The following ASPH variants were observed in gnomAD, a reference collection of about 807,000 sequenced individuals.
ASPH encodes the protein aspartate beta-hydroxylase, also known as aspartyl/asparaginyl beta-hydroxylase.
ASPH carries 100 observed loss-of-function variants against 118.4 expected under a neutral mutation model. The observed-to-expected ratio is 0.84, with a 90% CI of 0.72 to 1.00. The LOEUF (loss-of-function observed/expected upper bound fraction) is 1.00, where lower values mean the gene tolerates loss of function less well. ASPH is among the 50% of genes least tolerant of loss of function. The pLI is 0.00. For missense variants in ASPH, 920 were observed against 919.5 expected, an observed-to-expected ratio of 1.00 and a Z score of -0.01; for synonymous variants, 315 against 325.6, an observed-to-expected ratio of 0.97 and a Z score of 0.35.
chr8:61,637,852 T>C lies in ASPH; in HGVS notation c.889+95A>G, dbSNP rs561510252. ...TTGTACTCCTAGCTCCTATGCACTGTATAGACAGCAAGTAGGAAATGTTCG... is the reference window on the plus strand; with the variant it reads ...TTGTACTCCTAGCTCCTATGCACTGCATAGACAGCAAGTAGGAAATGTTCG... On this transcript the variant is annotated intron_variant, in intron 12 of 24. Transcript: ENST00000379454. 5 of 1,245,356 alleles carry C rather than the reference T, an allele frequency of 4.0e-6. No homozygotes were observed. In the Admixed American group the frequency reaches 8.5e-5, roughly 21 times the overall value. The allele number at this position is 1,245,356 out of a possible 1,614,324, so 77.1% of individuals were successfully genotyped here. A position where few individuals can be genotyped will look rare whatever the true frequency, so the allele number is the denominator to read the frequency against.
At chr8:61,535,466 G>A (rs1312048454) in intron 21 of ASPH, among the ~76,000 whole-genome samples, 1 of 152,152 alleles carries the variant, frequency 6.6e-6, no homozygotes, top group Non-Finnish European at 1.5e-5. Context: ...AAGAAAAAGA[G>A]GCATCGAGAA....
chr8:61,697,413 C>T (rs1445119143), intron 1 of ASPH, among the ~76,000 whole-genome samples: 1 of 152,182 alleles, frequency 6.6e-6, no homozygotes, highest in Non-Finnish European at 1.5e-5. Flanking sequence ...CTGCAGTAGA[C>T]ACCAGCTGGC....
Position 61,625,790 on chromosome 8 carries a change from G to C in ASPH, c.935-6771C>G, listed in dbSNP as rs935411698. 6.1e-6 allele frequency: 6 copies of C among 985,968 alleles called. No homozygotes were observed. The African/African-American group carries it at 1.0e-4, about 17-fold the overall frequency. 61.1% of individuals were successfully genotyped at this position (985,968 alleles called of 1,614,324 possible). ...TCACAGCTAATGATGATCTCTGTTA[G>C]CGTTTTTAAGAGTGCTAACACAAAG... is the stretch of plus-strand genomic sequence containing the variant. On this transcript the variant is annotated intron_variant, in intron 13 of 24. Coordinates refer to ENST00000379454, the MANE Select transcript of ASPH (RefSeq NM_004318.4).
intron 17 of ASPH, among the ~76,000 whole-genome samples, chr8:61,564,745 T>C (rs1831098874): frequency 6.6e-6 from 1 of 152,248 alleles, no homozygotes; most frequent in African/African-American, 2.4e-5. Flanking sequence ...CCATTTCTTA[T>C]CATTTTTAAT....
intron 16 of ASPH, among the ~76,000 whole-genome samples, chr8:61,572,945 T>C (rs923088791): frequency 9.2e-5 from 14 of 152,184 alleles, no homozygotes; most frequent in African/African-American, 3.4e-4. Flanking sequence ...GATGACATGA[T>C]TGTATATTTA....
intron 13 of ASPH, 26 bp downstream of exon 13, chr8:61,633,657 A>T: frequency 6.3e-7 from 1 of 1,576,352 alleles, no homozygotes. Flanking sequence ...ACAAAAGAGG[A>T]AAATACAACA....
intron 12 of ASPH, among the ~76,000 whole-genome samples, chr8:61,637,385 T>G (rs929166184): frequency 6.6e-6 from 1 of 152,194 alleles, no homozygotes; most frequent in African/African-American, 2.4e-5. Flanking sequence ...CAGTGCCTAC[T>G]ACGAGGAGCA....
chr8:61,682,431 T>C lies in ASPH; in HGVS notation c.254-1395A>G, dbSNP rs376342320. 2.4e-5 allele frequency: 39 copies of C among 1,612,208 alleles called. 1 individual carries two copies. The highest frequency in any genetic ancestry group is 1.4e-4 in the South Asian group (13 of 90,994). On this transcript the variant is annotated intron_variant, in intron 2 of 24. Transcript: ENST00000379454. ...ACGTAGACTTGAAATGCAACTCCAA[T>C]AGCCTACCTTGAAGCACCTCTGATA...
At chr8:61,711,449 CAT>C in intron 1 of ASPH, among the ~76,000 whole-genome samples, 2 of 152,182 alleles carry the variant, frequency 1.3e-5, no homozygotes, top group Admixed American at 1.3e-4. Flanking sequence ...CTAATTTATT[CAT>C]GTTTCTTTTA....
chr8:61,710,563 A>C (rs1164377748), intron 1 of ASPH, among the ~76,000 whole-genome samples: 1 of 152,200 alleles, frequency 6.6e-6, no homozygotes, highest in African/African-American at 2.4e-5. Context: ...GTGTTCATAA[A>C]CTCCCTCAGA....
At chr8:61,560,766 G>A (rs544232362) in intron 18 of ASPH, among the ~76,000 whole-genome samples, 41 of 152,134 alleles carry the variant, frequency 2.7e-4, no homozygotes, top group African/African-American at 7.5e-4. Context: ...GAGATTTAGC[G>A]TCAGGTAAAG....
intron 3 of ASPH, chr8:61,656,229 C>A (rs1396262269): frequency 1.3e-5 from 2 of 152,136 alleles, no homozygotes; most frequent in Non-Finnish European, 2.9e-5. Context: ...GTGTCGGTTT[C>A]GATGTTCCTG....
intron 21 of ASPH, among the ~76,000 whole-genome samples, chr8:61,535,921 A>G (rs1051871998): frequency 6.6e-6 from 1 of 152,196 alleles, no homozygotes. Context: ...TACTTCTAAC[A>G]ACACCGCTAA....
chr8:61,584,632 C>CTTCTTTCT (rs200609344), intron 14 of ASPH, among the ~76,000 whole-genome samples: 50 of 75,096 alleles, frequency 6.7e-4, no homozygotes, highest in Middle Eastern at 7.5e-3. Flanking sequence ...TCTTTCTTTC[C>CTTCTTTCT]TTCTTTCTTT....
chr8:61,655,792 A>T (rs1035776686), intron 3 of ASPH, among the ~76,000 whole-genome samples: 1 of 152,208 alleles, frequency 6.6e-6, no homozygotes, highest in African/African-American at 2.4e-5. Context: ...TCCAAAGTGG[A>T]AGGTGTATTA....
At position 61,503,456 on chromosome 8, in the gene ASPH, A is replaced by G. The variant is rs1194122716; in HGVS notation, c.2180T>C (p.Val727Ala). ...CCGGAAAGATGAGGCATCCTGCCAT[A>G]CCTCGTGCTCAAAGGAGTCATCAAA... ...LIFDDSFEHE[V>A]WQDASSFRLI... Residue 727 changes from valine to alanine, a missense_variant, in exon 25 of 25, where the codon GTA becomes GCA. Coordinates refer to ENST00000379454, the MANE Select transcript of ASPH (RefSeq NM_004318.4). 7 of 1,612,984 alleles carry G rather than the reference A, an allele frequency of 4.3e-6. No homozygotes were observed. Among genetic ancestry groups the G allele is most frequent in the Non-Finnish European group, 5.9e-6 (7 of 1,179,590 alleles).
In ASPH at chr8:61,643,254, CAA is replaced by C. The variant is rs993719991; in HGVS notation, c.757+130_757+131del. On this transcript the variant is annotated intron_variant, in intron 9 of 24. Coordinates refer to ENST00000379454, the MANE Select transcript of ASPH (RefSeq NM_004318.4). ...ATAACAGTCTAACTTTGTTATAAAA[CAA>C]AATCTCATGCATTAGATGTCGAAAT... is the stretch of plus-strand genomic sequence containing the variant. 95 of 863,128 alleles carry C rather than the reference CAA, an allele frequency of 1.1e-4. No homozygotes were observed. In the African/African-American group the frequency reaches 1.3e-3, roughly 12 times the overall value. The allele number at this position is 863,128 out of a possible 1,614,324, so 53.5% of individuals were successfully genotyped here. A position where few individuals can be genotyped will look rare whatever the true frequency, so the allele number is the denominator to read the frequency against.
intron 3 of ASPH, chr8:61,676,116 G>A (rs1410973961): frequency 6.3e-7 from 1 of 1,599,304 alleles, no homozygotes. Context: ...GTCTTTCCCT[G>A]AACCCCTTCA....
At chr8:61,568,381 G>A (rs182568103) in intron 16 of ASPH, among the ~76,000 whole-genome samples, 2 of 152,168 alleles carry the variant, frequency 1.3e-5, no homozygotes, top group African/African-American at 4.8e-5. Context: ...GTGTGAGAAA[G>A]GGGGAGAGAG....
Sources: gnomAD v4.1 joint callset for allele counts (sites outside exome capture counted in the v4.1 genomes callset) on GRCh38, gnomAD v4.1.1 for gene constraint, MANE v1.5 for transcripts, NCBI Gene and HGNC (gene_info 2026-07-23, HGNC 2026-07-21) for gene names.